The following OGT variants were observed in gnomAD, a reference collection of about 807,000 sequenced individuals.
The protein encoded by OGT is O-linked N-acetylglucosamine (GlcNAc) transferase, also known as UDP-N-acetylglucosamine--peptide N-acetylglucosaminyltransferase 110 kDa subunit.
A neutral mutation model predicts 75.8 loss-of-function variants in OGT; 3 were observed. The observed-to-expected ratio is 0.04, with a 90% confidence interval of 0.02 to 0.10. The LOEUF is 0.10. OGT is among the 10% of genes least tolerant of loss of function. OGT has a pLI of 1.00. For missense variants in OGT, 260 were observed against 824.4 expected, an observed-to-expected ratio of 0.32 and a Z score of 8.38; for synonymous variants, 257 against 289.7, an observed-to-expected ratio of 0.89 and a Z score of 1.15.
rs780295607 is a variant in OGT at position 71,556,709 on chromosome X, A to G, written c.1095A>G (p.Ser365=). 2 of 1,197,329 alleles carry G rather than the reference A, an allele frequency of 1.7e-6. No individual in the cohort carries two copies. The highest frequency in any genetic ancestry group is 2.3e-6 in the Non-Finnish European group (2 of 887,288). ...EVFPEFAAAH[S]NLASVLQQQG... is the part of the protein sequence containing the mutation. ...TCCCAGAGTTTGCTGCTGCCCATTC[A>G]AATTTAGCAAGTGTACTGCAGCAGC... The change falls in exon 9 of 22, where the codon TCA becomes TCG. Residue 365 remains serine (S), a synonymous_variant. Transcript: ENST00000373719.
chrX:71,559,520 T>G (rs2040367891), intron 13 of OGT, 68 bp from the exon 14 acceptor site: 1 of 1,155,335 alleles, frequency 8.7e-7, no homozygotes, highest in Non-Finnish European at 1.2e-6. Context: ...ACCTAGTGTC[T>G]TTTGGAAAGA....
rs1048157418 is a variant in OGT, at chrX:71,538,135, A to G, written c.462+63A>G. 6 of 1,130,937 alleles carry G rather than the reference A, an allele frequency of 5.3e-6. No homozygotes were observed. In the Admixed American group the frequency reaches 1.2e-4, roughly 22 times the overall value. The allele number at this position is 1,130,937 out of a possible 1,213,427, so 93.2% of individuals were successfully genotyped here. On this transcript the variant is annotated intron_variant, in intron 3 of 21. Coordinates refer to ENST00000373719, the MANE Select transcript of OGT (RefSeq NM_181672.3). ...AACCCAGAAAGAAACATAGTGTGATATTTCAGACACTAAAGTAGGTTTTCA... is the reference window on the plus strand; with the variant it reads ...AACCCAGAAAGAAACATAGTGTGATGTTTCAGACACTAAAGTAGGTTTTCA...
chrX:71,551,185 T>A (rs185460797), intron 5 of OGT, among the ~76,000 whole-genome samples: 87 of 112,083 alleles, frequency 7.8e-4, no homozygotes, highest in African/African-American at 2.7e-3. Flanking sequence ...AACTTTAAAT[T>A]TAAAAATTAA....
chrX:71,559,537 C>T, intron 13 of OGT, 51 bp from the exon 14 acceptor site: 1 of 1,160,555 alleles, frequency 8.6e-7, no homozygotes, highest in Non-Finnish European at 1.2e-6. Context: ...AAGATTTGAG[C>T]CAGAAAGATT....
intron 3 of OGT, among the ~76,000 whole-genome samples, chrX:71,540,893 G>T (rs1020557248): frequency 7.2e-5 from 8 of 111,002 alleles, no homozygotes; most frequent in African/African-American, 2.3e-4. Flanking sequence ...GGCTTGTCTT[G>T]AACTCCTGGC....
Position 71,537,953 on chromosome X carries a change from G to T in OGT, c.343G>T (p.Ala115Ser). 1 of 1,211,945 alleles carries T rather than the reference G, an allele frequency of 8.3e-7. No homozygotes were observed. The highest frequency in any genetic ancestry group is 1.8e-5 in the South Asian group (1 of 57,019). ...LQEAIEHYRHALRLKPDFIDG... is the reference protein window; with the variant it reads ...LQEAIEHYRHSLRLKPDFIDG... The stretch of plus-strand genomic sequence containing the variant: ...GGAGGCAATTGAGCATTATCGACAT[G>T]CATTGCGTCTCAAACCTGATTTCAT... The change falls in exon 3 of 22, where the codon GCA (alanine) becomes TCA (serine). Residue 115 changes from alanine (A) to serine (S), a missense_variant. By Grantham distance (99) the Ala-to-Ser change is moderately conservative. This residue lies in a region of OGT where 38 missense variants were observed against 117.1 expected (regional missense o/e 0.32). Transcript: ENST00000373719.
chrX:71,538,297 G>A (rs2040194161), intron 3 of OGT, among the ~76,000 whole-genome samples: 1 of 112,438 alleles, frequency 8.9e-6, no homozygotes, highest in African/African-American at 3.2e-5. Flanking sequence ...CTTATTGCAA[G>A]AAACTACATC....
chrX:71,570,978 A>G (rs1294287371), intron 21 of OGT, among the ~76,000 whole-genome samples: 1 of 105,440 alleles, frequency 9.5e-6, no homozygotes, highest in Non-Finnish European at 1.9e-5. Flanking sequence ...TTTTAATTTA[A>G]TATTTTGTGG....
chrX:71,549,544 G>A (rs1156979759), intron 5 of OGT, among the ~76,000 whole-genome samples: 2 of 110,304 alleles, frequency 1.8e-5, no homozygotes, highest in Non-Finnish European at 3.8e-5. Context: ...CCAGCACTTT[G>A]CGAGGCTGAG....
At chrX:71,545,243 G>A (rs1432934233) in intron 4 of OGT, 1 of 110,827 alleles carries the variant, frequency 9.0e-6, no homozygotes, top group Non-Finnish European at 1.9e-5. Context: ...AATCCTAGTT[G>A]TCTACCTTCT....
Position 71,556,970 on chromosome X carries a change from T to C in OGT, c.1185T>C (p.Ala395=). 1.7e-6 allele frequency: 2 copies of C among 1,210,496 alleles called. No homozygotes were observed. Among genetic ancestry groups the C allele is most frequent in the Non-Finnish European group, 2.2e-6 (2 of 894,420 alleles). ...KEAIRISPTF[A]DAYSNMGNTL... The stretch of plus-strand genomic sequence containing the variant: ...CTTTTAGAATCAGTCCTACCTTTGC[T>C]GATGCCTACTCTAATATGGGAAACA... The change falls in exon 10 of 22, where the codon GCT becomes GCC. Residue 395 remains alanine (A), a synonymous_variant. Coordinates refer to ENST00000373719, the MANE Select transcript of OGT (RefSeq NM_181672.3).
chrX:71,573,276 C>T lies in OGT; in HGVS notation c.2967-344C>T, dbSNP rs747282099. Among the ~76,000 whole-genome samples, 7 of 111,840 alleles carry T rather than the reference C, an allele frequency of 6.3e-5. No homozygotes were observed. In the East Asian group the frequency reaches 1.9e-3, roughly 31 times the overall value. Reference sequence around the variant, plus strand: ...AATACATACTTGCTAAATTGCTTACCAAAAAGGTAAGCAACAGTACATAGG... The same window carrying T: ...AATACATACTTGCTAAATTGCTTACTAAAAAGGTAAGCAACAGTACATAGG... On this transcript the variant is annotated intron_variant, in intron 21 of 21. Coordinates refer to ENST00000373719, the MANE Select transcript of OGT (RefSeq NM_181672.3).
intron 19 of OGT, 52 bp from the exon 20 acceptor site, chrX:71,567,448 T>C: frequency 9.5e-7 from 1 of 1,056,208 alleles, no homozygotes; most frequent in Non-Finnish European, 1.3e-6. Context: ...GGAGTCTTTG[T>C]TGAAAAAGGC....
chrX:71,566,019 A>AT (rs776512657), intron 19 of OGT, among the ~76,000 whole-genome samples: 13 of 112,617 alleles, frequency 1.2e-4, no homozygotes, highest in Non-Finnish European at 2.2e-4. Flanking sequence ...GGGATATCGG[A>AT]TAGCTATAAC....
chrX:71,555,260 T>A lies in OGT; in HGVS notation c.799T>A (p.Cys267Ser). 8.3e-7 allele frequency: 1 copy of A among 1,210,303 alleles called. No individual in the cohort carries two copies. The highest frequency in any genetic ancestry group is 1.1e-6 in the Non-Finnish European group (1 of 895,135). Residue 267 changes from cysteine to serine, a missense_variant, in exon 7 of 22, where the codon TGT becomes AGT. Transcript: ENST00000373719. Reference protein sequence around the residue: ...NHAVVHGNLACVYYEQGLIDL... With the variant: ...NHAVVHGNLASVYYEQGLIDL... ...CGCAGTGGTGCACGGCAACCTGGCTTGTGTATACTATGAGCAAGGCCTGAT... is the reference window on the plus strand; with the variant it reads ...CGCAGTGGTGCACGGCAACCTGGCTAGTGTATACTATGAGCAAGGCCTGAT...
Position 71,557,540 on chromosome X carries a change from C to T in OGT, c.1470C>T (p.Val490=). The T allele has an allele frequency of 1.7e-6, 2 of 1,210,591 alleles. No homozygotes were observed. The highest frequency in any genetic ancestry group is 2.2e-6 in the Non-Finnish European group (2 of 894,912). Residue 490 remains valine, a synonymous_variant, in exon 12 of 22, where the codon GTC becomes GTT. Coordinates refer to ENST00000373719, the MANE Select transcript of OGT (RefSeq NM_181672.3). ...TDYDERMKKL[V]SIVADQLEKN... Reference sequence around the variant, plus strand: ...ATGATGAGCGAATGAAGAAGTTGGTCAGTATTGTGGCTGACCAGTTAGAGA... The same window carrying T: ...ATGATGAGCGAATGAAGAAGTTGGTTAGTATTGTGGCTGACCAGTTAGAGA...
intron 5 of OGT, among the ~76,000 whole-genome samples, chrX:71,549,445 G>A: frequency 9.0e-6 from 1 of 110,709 alleles, no homozygotes; most frequent in South Asian, 3.8e-4. Context: ...CTTTATTGCA[G>A]CATTTGCTGG....
chrX:71,538,093 T>C, intron 3 of OGT, 21 bp downstream of exon 3: 1 of 1,196,277 alleles, frequency 8.4e-7, no homozygotes, highest in Non-Finnish European at 1.1e-6. Flanking sequence ...TTTTAATGGT[T>C]ACTTTCCCTT....
intron 3 of OGT, among the ~76,000 whole-genome samples, chrX:71,542,038 C>T (rs1206440634): frequency 8.9e-6 from 1 of 111,734 alleles, no homozygotes; most frequent in Non-Finnish European, 1.9e-5. Flanking sequence ...AAATTCTTTA[C>T]TACTGAGTGG....
Sources: allele counts gnomAD v4.1 joint callset (sites outside exome capture counted in the v4.1 genomes callset), GRCh38; gene constraint gnomAD v4.1.1; regional missense constraint gnomAD v4.1.1; transcripts MANE v1.5; gene names NCBI Gene and HGNC (gene_info 2026-07-23, HGNC 2026-07-21).